The following CCDC18 variants were observed in gnomAD, a reference collection of about 807,000 sequenced individuals.
CCDC18 encodes the protein coiled-coil domain containing 18, also known as coiled-coil domain-containing protein 18.
A neutral mutation model predicts 196.0 loss-of-function variants in CCDC18; 157 were observed. The observed-to-expected ratio is 0.80, with a 90% CI of 0.70 to 0.91. The LOEUF is 0.91. Among genes scored for constraint, CCDC18 ranks in the 40% least tolerant of loss-of-function variants. The probability of loss-of-function intolerance (pLI) is 0.00; values close to 1 mark genes in which losing one functional copy is unlikely to be tolerated. For missense variants in CCDC18, 1,465 were observed against 1,611.6 expected, an observed-to-expected ratio of 0.91 and a Z score of 1.56; for synonymous variants, 482 against 529.2, an observed-to-expected ratio of 0.91 and a Z score of 1.22.
intron 4 of CCDC18, among the ~76,000 whole-genome samples, chr1:93,191,245 C>T (rs1376197846): frequency 6.6e-6 from 1 of 152,176 alleles, no homozygotes; most frequent in Non-Finnish European, 1.5e-5. Flanking sequence ...CTGCTCATTA[C>T]TCTTAGTGTC....
chr1:93,238,727 T>C (rs920774461), intron 19 of CCDC18, among the ~76,000 whole-genome samples: 1 of 152,192 alleles, frequency 6.6e-6, no homozygotes, highest in Non-Finnish European at 1.5e-5. Flanking sequence ...AGTTCAGGAC[T>C]GACAAAGTTA....
At chr1:93,191,080 G>A (rs1651681621) in intron 4 of CCDC18, 16 of 612,832 alleles carry the variant, frequency 2.6e-5, no homozygotes, top group South Asian at 2.2e-4. Context: ...AGTGCTATCA[G>A]CAAGGAGATT....
At chr1:93,258,950 G>GT (rs1383523926) in intron 26 of CCDC18, 65 bp downstream of exon 26, 2 of 1,353,394 alleles carry the variant, frequency 1.5e-6, no homozygotes, top group Non-Finnish European at 2.0e-6. Context: ...CTGGACAAAA[G>GT]TATGAGTCCA....
At chr1:93,229,232 C>G (rs797668) in intron 17 of CCDC18, among the ~76,000 whole-genome samples, 76,829 of 152,162 alleles carry the variant, frequency 0.5, 23,015 homozygotes, top group African/African-American at 0.85. Flanking sequence ...CCGCTCAATC[C>G]TTAGCTCAAC....
intron 26 of CCDC18, among the ~76,000 whole-genome samples, chr1:93,263,080 G>A (rs149104077): frequency 7.1e-4 from 108 of 152,152 alleles, no homozygotes; most frequent in African/African-American, 2.1e-3. Flanking sequence ...AGGTCACCCC[G>A]TCTTGAGGCT....
chr1:93,278,358 C>A lies in CCDC18; in HGVS notation c.4354-105C>A, dbSNP rs187376371. On this transcript the variant is annotated intron_variant, in intron 28 of 28. Transcript: ENST00000690025. ...ATATTTTTCAGTAGACTAAATATTT[C>A]TCACTCTCGCTTTAAATTATACTCC... The A allele has an allele frequency of 4.2e-5, 18 of 430,570 alleles. No homozygotes were observed. In the Admixed American group the frequency reaches 5.8e-4, roughly 14 times the overall value. The allele number at this position is 430,570 out of a possible 1,614,324, so 26.7% of individuals were successfully genotyped here. A position where few individuals can be genotyped will look rare whatever the true frequency, so the allele number is the denominator to read the frequency against.
At chr1:93,180,511 C>G (rs373331120), upstream of CCDC18, 11 of 1,537,918 alleles carry the variant, frequency 7.2e-6, no homozygotes, top group Non-Finnish European at 8.8e-6. Flanking sequence ...CGCCTCTCCC[C>G]CTGACGGCCT....
chr1:93,211,892 A>G (rs765577073), intron 10 of CCDC18, among the ~76,000 whole-genome samples: 2 of 152,140 alleles, frequency 1.3e-5, no homozygotes, highest in Admixed American at 1.3e-4. Flanking sequence ...TACATTTTCA[A>G]TTTTACTAAA....
At position 93,192,080 on chromosome 1, in the gene CCDC18, G is replaced by A. The variant is rs1651910222; in HGVS notation, c.543G>A (p.Glu181=). 6.2e-7 allele frequency: 1 copy of A among 1,612,578 alleles called. No individual in the cohort carries two copies. The highest frequency in any genetic ancestry group is 1.7e-5 in the Admixed American group (1 of 59,978). The change falls in exon 5 of 29, where the codon GAG becomes GAA. Residue 181 remains glutamate, a synonymous_variant. Coordinates refer to ENST00000690025, the MANE Select transcript of CCDC18 (RefSeq NM_001378204.1). ...LEEQIINLEA[E]VSAQDKVLRE... is the part of the protein sequence containing the mutation. Reference sequence around the variant, plus strand: ...AACAGATTATAAATTTGGAAGCAGAGGTTTCAGCTCAAGATAAAGTTTTGA... The same window carrying A: ...AACAGATTATAAATTTGGAAGCAGAAGTTTCAGCTCAAGATAAAGTTTTGA...
chr1:93,276,283 C>T (rs765486610), intron 28 of CCDC18, among the ~76,000 whole-genome samples: 3 of 152,200 alleles, frequency 2.0e-5, no homozygotes, highest in Non-Finnish European at 4.4e-5. Flanking sequence ...AGCCTCTTAA[C>T]ACTGAAGTAT....
At position 93,232,373 on chromosome 1, in the gene CCDC18, C is replaced by A. The variant is rs1483485275; in HGVS notation, c.2293-53C>A. The A allele has an allele frequency of 4.5e-6, 5 of 1,101,468 alleles. No homozygotes were observed. The East Asian group carries it at 1.3e-4, about 28-fold the overall frequency. The allele number at this position is 1,101,468 out of a possible 1,614,324, so 68.2% of individuals were successfully genotyped here. Reference sequence around the variant, plus strand: ...GAGGACAGCTTTGACATTTTATTGCCATTTATTTGAAACATTGCATTGTAT... The same window carrying A: ...GAGGACAGCTTTGACATTTTATTGCAATTTATTTGAAACATTGCATTGTAT... On this transcript the variant is annotated intron_variant, in intron 17 of 28. Coordinates refer to ENST00000690025, the MANE Select transcript of CCDC18 (RefSeq NM_001378204.1).
intron 23 of CCDC18, 127 bp downstream of exon 23, chr1:93,247,081 C>A: frequency 1.9e-6 from 1 of 515,184 alleles, no homozygotes. Context: ...TTTTTGGAGA[C>A]AGAGTCGTTC....
chr1:93,221,236 C>T (rs1657385257), intron 14 of CCDC18, among the ~76,000 whole-genome samples: 1 of 152,158 alleles, frequency 6.6e-6, no homozygotes, highest in Non-Finnish European at 1.5e-5. Context: ...AACTAATTTA[C>T]ACTCCCATCA....
At chr1:93,246,799 CAG>C (rs953370300) in intron 22 of CCDC18, 37 bp from the exon 23 acceptor site, 9 of 907,262 alleles carry the variant, frequency 9.9e-6, no homozygotes, top group Admixed American at 2.1e-5. Context: ...GTTTTTATAT[CAG>C]AATAAAATTG....
chr1:93,220,627 T>G (rs1657271156), intron 14 of CCDC18, among the ~76,000 whole-genome samples: 1 of 152,130 alleles, frequency 6.6e-6, no homozygotes, highest in South Asian at 2.1e-4. Context: ...TGCCTTTTTT[T>G]CTTCAGCCGT....
chr1:93,272,427 ATTAC>A (rs1665351701), intron 28 of CCDC18, among the ~76,000 whole-genome samples: 2 of 152,210 alleles, frequency 1.3e-5, no homozygotes, highest in African/African-American at 4.8e-5. Flanking sequence ...CTTTTAGCAT[ATTAC>A]TTTTAGCACC....
chr1:93,242,234 C>A (rs573252456), intron 21 of CCDC18, among the ~76,000 whole-genome samples: 27 of 152,248 alleles, frequency 1.8e-4, no homozygotes, highest in African/African-American at 6.0e-4. Flanking sequence ...GGCAATTCAC[C>A]AAAGAAAGAA....
intron 12 of CCDC18, 86 bp downstream of exon 12, chr1:93,215,052 T>C: frequency 1.2e-6 from 1 of 805,802 alleles, no homozygotes; most frequent in Non-Finnish European, 1.9e-6. Context: ...AAATTATATG[T>C]TTACATCCAG....
chr1:93,255,089 A>T (rs1420895733), intron 24 of CCDC18, among the ~76,000 whole-genome samples: 3 of 151,154 alleles, frequency 2.0e-5, no homozygotes, highest in Admixed American at 2.0e-4. Flanking sequence ...AGTAGCTGGG[A>T]TTACAGGCAC....
Sources: gnomAD v4.1 joint callset for allele counts (sites outside exome capture counted in the v4.1 genomes callset) on GRCh38, gnomAD v4.1.1 for gene constraint, MANE v1.5 for transcripts, NCBI Gene and HGNC (gene_info 2026-07-23, HGNC 2026-07-21) for gene names.